CLEC12B: variants seen among roughly 807,000 people sequenced by gnomAD.
The protein encoded by CLEC12B is C-type lectin domain family 12 member B, also known as macrophage antigen h.
CLEC12B carries 25 observed loss-of-function variants against 36.1 expected under a neutral mutation model. The ratio of observed to expected loss-of-function variants is 0.69; its 90% CI spans 0.50 to 0.97. The LOEUF is 0.97. CLEC12B is among the 50% of genes least tolerant of loss of function. The probability of loss-of-function intolerance (pLI) is 0.00; values close to 1 mark genes in which losing one functional copy is unlikely to be tolerated. For missense variants in CLEC12B, 325 were observed against 318.4 expected, an observed-to-expected ratio of 1.02 and a Z score of -0.16; for synonymous variants, 110 against 108.5, an observed-to-expected ratio of 1.01 and a Z score of -0.09.
In CLEC12B at chr12:10,012,770, T is replaced by C. The variant is rs767754797; in HGVS notation, c.92-15T>C. 6.2e-7 allele frequency: 1 copy of C among 1,607,536 alleles called. No homozygotes were observed. Among genetic ancestry groups the C allele is most frequent in the East Asian group, 2.2e-5 (1 of 44,862 alleles). ...AGCAGTTCTGTGTGCTGATTGCTCT[T>C]TTGGCTTTCTCCAGGGCATCCAGCT... On this transcript the variant is annotated splice_polypyrimidine_tract_variant and intron_variant, in intron 1 of 5. Coordinates refer to ENST00000338896, the MANE Select transcript of CLEC12B (RefSeq NM_001129998.3).
At chr12:10,010,200 T>TGTCTCTCTCTCTCA (rs1865293148), upstream of CLEC12B, among the ~76,000 whole-genome samples, 1 of 145,800 alleles carries the variant, frequency 6.9e-6, no homozygotes, top group Non-Finnish European at 1.5e-5. Flanking sequence ...TGTCTCTCTC[T>TGTCTCTCTCTCTCA]CACACACACA....
At chr12:10,013,878 C>T (rs1288187201) in intron 2 of CLEC12B, among the ~76,000 whole-genome samples, 1 of 152,078 alleles carries the variant, frequency 6.6e-6, no homozygotes, top group East Asian at 1.9e-4. Context: ...CGATCTTCTA[C>T]AATAATGTAT....
intron 3 of CLEC12B, 86 bp from the exon 4 acceptor site, chr12:10,015,166 G>A: frequency 8.7e-7 from 1 of 1,143,296 alleles, no homozygotes; most frequent in Non-Finnish European, 1.3e-6. Flanking sequence ...AGTCCCTATT[G>A]TTCAATTACA....
At position 10,014,058 on chromosome 12, in the gene CLEC12B, G is replaced by A. The variant is rs150685388; in HGVS notation, c.191-465G>A. On this transcript the variant is annotated intron_variant, in intron 2 of 5. Transcript: ENST00000338896. ...AGGGCATATTTCATGGACCCATGAC[G>A]AGAAATGGTCTGATATGCCATTAAG... 3.1e-3 allele frequency among the ~76,000 whole-genome samples: 475 copies of A among 152,260 alleles called. 1 individual carries two copies. The highest frequency in any genetic ancestry group is 0.011 in the African/African-American group (457 of 41,536).
intron 5 of CLEC12B, chr12:10,016,627 G>A: frequency 3.9e-6 from 1 of 259,576 alleles, no homozygotes; most frequent in South Asian, 1.4e-4. Context: ...CATCTTAATG[G>A]ATTTTTAAAC....
chr12:10,010,198 T>A (rs2896047), upstream of CLEC12B, among the ~76,000 whole-genome samples: 3,387 of 96,560 alleles, frequency 0.035, 51 homozygotes, highest in Non-Finnish European at 0.051. Context: ...TCTGTCTCTC[T>A]CTCACACACA....
In CLEC12B at chr12:10,010,666, T is replaced by A; in HGVS notation, c.-94T>A. On this transcript the variant is annotated 5_prime_UTR_variant, in exon 1 of 6. Coordinates refer to ENST00000338896, the MANE Select transcript of CLEC12B (RefSeq NM_001129998.3). ...TGTCTGGGTCAGCTGAGTGACTACA[T>A]CAAAGCTCCCAGCCTTGAAAAACAC... 1.3e-6 allele frequency: 1 copy of A among 750,936 alleles called. No homozygotes were observed. The highest frequency in any genetic ancestry group is 2.2e-6 in the Non-Finnish European group (1 of 447,482). The allele number at this position is 750,936 out of a possible 1,614,324, so 46.5% of individuals were successfully genotyped here.
intron 5 of CLEC12B, chr12:10,016,034 T>C (rs377180681): frequency 1.0e-6 from 1 of 980,988 alleles, no homozygotes; most frequent in Non-Finnish European, 1.2e-6. Flanking sequence ...TCCCATTTTA[T>C]AGGTAGAAAT....
At chr12:10,006,478 A>AAG (rs1305942380), upstream of CLEC12B, among the ~76,000 whole-genome samples, 2 of 145,976 alleles carry the variant, frequency 1.4e-5, no homozygotes, top group African/African-American at 2.6e-5. Context: ...TTTTTTTAAG[A>AAG]AGACCAAGAA....
chr12:10,016,814 C>A, intron 5 of CLEC12B: 1 of 192,760 alleles, frequency 5.2e-6, no homozygotes, highest in Non-Finnish European at 9.5e-6. Context: ...GTGAAATGTA[C>A]AGTAGATTAT....
At chr12:10,013,240 T>C (rs1342633142) in intron 2 of CLEC12B, 1 of 269,178 alleles carries the variant, frequency 3.7e-6, no homozygotes, top group Non-Finnish European at 7.1e-6. Flanking sequence ...AAGTGCTTGC[T>C]ATTTTTATTT....
chr12:10,006,953 G>A (rs1157762791), upstream of CLEC12B, among the ~76,000 whole-genome samples: 1 of 152,062 alleles, frequency 6.6e-6, no homozygotes, highest in African/African-American at 2.4e-5. Context: ...TACTCTGGAG[G>A]CTGAGGCAGG....
intron 5 of CLEC12B, chr12:10,016,071 G>A: frequency 5.0e-6 from 4 of 801,092 alleles, no homozygotes; most frequent in Non-Finnish European, 6.1e-6. Flanking sequence ...TAAGTAACTT[G>A]CCTGAGGTCA....
chr12:10,017,569 A>C (rs746557774), intron 5 of CLEC12B: 4 of 985,546 alleles, frequency 4.1e-6, no homozygotes, highest in Non-Finnish European at 4.8e-6. Context: ...CCAGCATGTC[A>C]AACACAGGTT....
In CLEC12B at chr12:10,010,738, TA is replaced by T; in HGVS notation, c.-19del. On this transcript the variant is annotated 5_prime_UTR_variant, in exon 1 of 6. Coordinates refer to ENST00000338896, the MANE Select transcript of CLEC12B (RefSeq NM_001129998.3). ...ATATTGAAACATTAATTAGATAATTTAAAGTAGCGTTTTCTTCTACAATGTC... is the reference window on the plus strand; with the variant it reads ...ATATTGAAACATTAATTAGATAATTTAAGTAGCGTTTTCTTCTACAATGTC... 1.4e-6 allele frequency: 2 copies of T among 1,464,284 alleles called. No homozygotes were observed. Among genetic ancestry groups the T allele is most frequent in the Admixed American group, 3.4e-5 (2 of 59,394 alleles). 90.7% of individuals were successfully genotyped at this position (1,464,284 alleles called of 1,614,324 possible).
intron 1 of CLEC12B, among the ~76,000 whole-genome samples, chr12:10,012,550 C>T (rs1297241068): frequency 1.3e-5 from 2 of 152,126 alleles, no homozygotes; most frequent in South Asian, 2.1e-4. Flanking sequence ...ATGCCTCCCC[C>T]CTCCCCCAAC....
chr12:10,013,206 A>G (rs1187708079), intron 2 of CLEC12B: 1 of 309,976 alleles, frequency 3.2e-6, no homozygotes, highest in African/African-American at 2.3e-5. Flanking sequence ...CTGAGAAATA[A>G]AGTCAAGAAA....
intron 5 of CLEC12B, chr12:10,017,807 A>G: frequency 1.1e-6 from 1 of 922,498 alleles, no homozygotes; most frequent in South Asian, 5.0e-5. Flanking sequence ...AGAGGAAATG[A>G]ATACTATTGT....
chr12:10,007,224 A>G (rs953649322), upstream of CLEC12B, among the ~76,000 whole-genome samples: 2 of 152,098 alleles, frequency 1.3e-5, no homozygotes, highest in South Asian at 4.1e-4. Context: ...CGGTGAACAA[A>G]AGATGGCTTC....
Sources: gnomAD v4.1 joint callset for allele counts (sites outside exome capture counted in the v4.1 genomes callset) on GRCh38, gnomAD v4.1.1 for gene constraint, MANE v1.5 for transcripts, NCBI Gene and HGNC (gene_info 2026-07-23, HGNC 2026-07-21) for gene names.